TASP1: variants seen among roughly 807,000 people sequenced by gnomAD.
TASP1 encodes threonine aspartase 1.
A neutral mutation model predicts 56.6 loss-of-function variants in TASP1; 16 were observed. The observed-to-expected ratio is 0.28, with a 90% CI of 0.19 to 0.43. The LOEUF is 0.43. Among genes scored for constraint, TASP1 ranks in the 20% least tolerant of loss-of-function variants. The pLI is 1.00. For synonymous variants in TASP1, 179 were observed against 184.2 expected (o/e 0.97, Z 0.23); for missense variants, 393 against 511.6 (o/e 0.77, Z 2.24).
chr20:13,317,853 T>C, the TASP1 span, among the ~76,000 whole-genome samples: 2 of 152,134 alleles, frequency 1.3e-5, no homozygotes, highest in African/African-American at 4.8e-5. Flanking sequence ...GAAGATAACA[T>C]AGGAGAAAAT....
chr20:13,241,553 G>A, the TASP1 span, among the ~76,000 whole-genome samples: 1 of 152,108 alleles, frequency 6.6e-6, no homozygotes, highest in African/African-American at 2.4e-5. Flanking sequence ...AAGAAAATGA[G>A]CTATGCAGAC....
intron 13 of TASP1, among the ~76,000 whole-genome samples, chr20:13,398,128 C>T (rs531654689): frequency 4.0e-4 from 61 of 152,254 alleles, no homozygotes; most frequent in Non-Finnish European, 6.2e-4. Context: ...AAGAATGAGG[C>T]TACTCTCCAT....
At chr20:13,373,842 T>C in the TASP1 span, among the ~76,000 whole-genome samples, 5 of 152,152 alleles carry the variant, frequency 3.3e-5, no homozygotes, top group African/African-American at 7.2e-5. Flanking sequence ...TCTTCTCCTT[T>C]CTCTTTCTTT....
intron 4 of TASP1, among the ~76,000 whole-genome samples, chr20:13,596,502 T>TA (rs1259442669): frequency 6.6e-6 from 1 of 151,918 alleles, no homozygotes; most frequent in Non-Finnish European, 1.5e-5. Context: ...AGACACAACA[T>TA]ACCAGAATCT....
the TASP1 span, among the ~76,000 whole-genome samples, chr20:13,380,565 T>C: frequency 6.6e-6 from 1 of 152,174 alleles, no homozygotes; most frequent in Non-Finnish European, 1.5e-5. Flanking sequence ...AGGGATCCAC[T>C]TGAGGAGGCA....
At chr20:13,465,352 T>C (rs984365477) in intron 11 of TASP1, among the ~76,000 whole-genome samples, 1 of 151,928 alleles carries the variant, frequency 6.6e-6, no homozygotes, top group Non-Finnish European at 1.5e-5. Flanking sequence ...CTAGCAAAGA[T>C]GTGGAGAAAC....
the TASP1 span, among the ~76,000 whole-genome samples, chr20:13,346,166 A>T: frequency 8.5e-5 from 13 of 152,250 alleles, no homozygotes; most frequent in East Asian, 2.3e-3. Context: ...TCCTGGAACA[A>T]CTGAGCTTTT....
chr20:13,385,354 C>T (rs996302386), downstream of TASP1, among the ~76,000 whole-genome samples: 6 of 152,234 alleles, frequency 3.9e-5, no homozygotes, highest in African/African-American at 1.4e-4. Context: ...GTTTGTCTGT[C>T]TCCAGCAGTC....
the TASP1 span, among the ~76,000 whole-genome samples, chr20:13,138,330 C>G: frequency 2.6e-5 from 4 of 152,250 alleles, no homozygotes; most frequent in East Asian, 5.8e-4. Context: ...CTGGAAGGCT[C>G]TCATCCCTCC....
chr20:13,117,728 A>G, the TASP1 span: 2 of 1,607,548 alleles, frequency 1.2e-6, no homozygotes, highest in South Asian at 2.2e-5. Context: ...GAAGGAAGGT[A>G]AGAGAGGGCC....
chr20:13,571,017 G>T (rs1162312612), intron 6 of TASP1, among the ~76,000 whole-genome samples: 1 of 152,112 alleles, frequency 6.6e-6, no homozygotes, highest in Admixed American at 6.5e-5. Flanking sequence ...TGGTCACTTT[G>T]GGTTCAATTC....
chr20:13,585,833 A>G (rs575246037), intron 5 of TASP1, among the ~76,000 whole-genome samples: 2 of 152,302 alleles, frequency 1.3e-5, no homozygotes, highest in Admixed American at 6.5e-5. Flanking sequence ...ATGCATATGT[A>G]CCTAAAGAAG....
intron 6 of TASP1, 84 bp downstream of exon 6, chr20:13,580,813 C>T: frequency 7.5e-7 from 1 of 1,341,676 alleles, no homozygotes. Flanking sequence ...AGGCATGCTA[C>T]CTGGTATGTA....
At chr20:13,270,404 A>C in the TASP1 span, 1 of 1,341,616 alleles carries the variant, frequency 7.5e-7, no homozygotes, top group African/African-American at 1.5e-5. Context: ...AATTTCAGCC[A>C]CTGGAATTGT....
At chr20:13,453,910 G>A (rs976130270) in intron 11 of TASP1, among the ~76,000 whole-genome samples, 1 of 152,054 alleles carries the variant, frequency 6.6e-6, no homozygotes, top group Non-Finnish European at 1.5e-5. Context: ...TGGTCTTTCA[G>A]AGCAGGTGGT....
the TASP1 span, among the ~76,000 whole-genome samples, chr20:13,357,773 C>T: frequency 1.3e-5 from 2 of 152,230 alleles, no homozygotes; most frequent in African/African-American, 2.4e-5. Context: ...AATGGATTAA[C>T]ATTCAATGCA....
chr20:13,265,921 T>A, the TASP1 span, among the ~76,000 whole-genome samples: 22 of 152,232 alleles, frequency 1.4e-4, no homozygotes, highest in Non-Finnish European at 1.5e-5. Context: ...CCACCATCTG[T>A]CCAGTCAGCC....
At chr20:13,388,626 G>C (rs957955923), downstream of TASP1, among the ~76,000 whole-genome samples, 1 of 152,184 alleles carries the variant, frequency 6.6e-6, no homozygotes, top group Non-Finnish European at 1.5e-5. Context: ...AGTTTTATGT[G>C]ATCCAATCCA....
At chr20:13,328,066 G>T in the TASP1 span, among the ~76,000 whole-genome samples, 4 of 152,014 alleles carry the variant, frequency 2.6e-5, no homozygotes, top group African/African-American at 9.7e-5. Flanking sequence ...ACCTGACAAA[G>T]GTCTAATATT....
Sources: allele counts gnomAD v4.1 joint callset (sites outside exome capture counted in the v4.1 genomes callset), GRCh38; gene constraint gnomAD v4.1.1; transcripts MANE v1.5; gene names NCBI Gene and HGNC (gene_info 2026-07-23, HGNC 2026-07-21).